Variants in ZRANB3 observed in about 807,000 individuals in gnomAD.
The protein encoded by ZRANB3 is DNA annealing helicase and endonuclease ZRANB3.
In ZRANB3, 125 loss-of-function variants were observed where a neutral mutation model predicts 133.8. That is an observed-to-expected ratio of 0.93 (90% CI 0.81 to 1.08). ZRANB3 has a LOEUF of 1.08. Ranked by LOEUF, ZRANB3 falls within the 50% of genes least tolerant of loss-of-function variation. The pLI is 0.00. For missense variants in ZRANB3, 1,229 were observed against 1,275.5 expected, an observed-to-expected ratio of 0.96 and a Z score of 0.56; for synonymous variants, 387 against 432.7, an observed-to-expected ratio of 0.89 and a Z score of 1.31.
At chr2:135,364,383 T>C in intron 3 of ZRANB3, among the ~76,000 whole-genome samples, 1 of 152,174 alleles carries the variant, frequency 6.6e-6, no homozygotes, top group East Asian at 1.9e-4. Flanking sequence ...GACCTTTAAT[T>C]ACAATTCCAA....
chr2:135,530,207 T>G (rs558857716), intron 1 of ZRANB3, among the ~76,000 whole-genome samples: 9 of 127,022 alleles, frequency 7.1e-5, no homozygotes, highest in African/African-American at 2.2e-4. Context: ...AGACTCCGTC[T>G]CAAAAAAAAA....
rs750292186 is a variant in ZRANB3 at position 135,345,603 on chromosome 2, T to C, written c.624A>G (p.Gln208=). ...LFMQIEALFP[Q]KFGRWTDYAK... ...CATAGTCGGTCCATCTTCCAAATTT[T>C]TGTGGAAAGAGAGCTTCAATCTGCA... Residue 208 remains glutamine (Q), a synonymous_variant, in exon 6 of 21, where the codon CAA becomes CAG. Coordinates refer to ENST00000264159, the MANE Select transcript of ZRANB3 (RefSeq NM_032143.4). The C allele has an allele frequency of 1.9e-6, 3 of 1,612,928 alleles. No individual in the cohort carries two copies. Among genetic ancestry groups the C allele is most frequent in the Middle Eastern group, 1.7e-4 (1 of 6,052 alleles).
chr2:135,291,082 G>C (rs949565605), intron 8 of ZRANB3, among the ~76,000 whole-genome samples: 2 of 152,012 alleles, frequency 1.3e-5, no homozygotes, highest in Non-Finnish European at 2.9e-5. Context: ...GGTTGCTCTT[G>C]AACTCGTGAC....
intron 8 of ZRANB3, among the ~76,000 whole-genome samples, chr2:135,300,012 G>A (rs1023954253): frequency 6.6e-6 from 1 of 152,032 alleles, no homozygotes; most frequent in Non-Finnish European, 1.5e-5. Flanking sequence ...AAGGCTTTAG[G>A]CATAACTCTG....
At chr2:135,208,477 AGTCC>A (rs1368313366) in intron 18 of ZRANB3, among the ~76,000 whole-genome samples, 5 of 152,246 alleles carry the variant, frequency 3.3e-5, no homozygotes, top group African/African-American at 2.4e-5. Flanking sequence ...TTTGTTAGAA[AGTCC>A]TACTTGGGAA....
At chr2:135,455,151 G>C (rs1394337371) in intron 2 of ZRANB3, among the ~76,000 whole-genome samples, 1 of 141,712 alleles carries the variant, frequency 7.1e-6, no homozygotes, top group Non-Finnish European at 1.5e-5. Context: ...CACTGAATGG[G>C]ATCACAATGC....
rs552794116 is a variant in ZRANB3, at chr2:135,510,975, C to T, written c.-7-6479G>A. ...TTGGGGTTCAATGTCACCTTGCTCA[C>T]CAGCCTCACAGATCGGTCTGGGTCC... On this transcript the variant is annotated intron_variant, in intron 1 of 20. Transcript: ENST00000264159. The T allele has an allele frequency of 3.2e-5, 25 of 792,490 alleles. No homozygotes were observed. In the African/African-American group the frequency reaches 4.0e-4, roughly 13 times the overall value. 49.1% of individuals were successfully genotyped at this position (792,490 alleles called of 1,614,324 possible). A position where few individuals can be genotyped will look rare whatever the true frequency, so the allele number is the denominator to read the frequency against.
chr2:135,309,861 C>T (rs556026359), intron 8 of ZRANB3, among the ~76,000 whole-genome samples: 30 of 152,100 alleles, frequency 2.0e-4, no homozygotes, highest in Non-Finnish European at 4.3e-4. Context: ...TACAGAAAAG[C>T]GAAGGACCTA....
intron 10 of ZRANB3, among the ~76,000 whole-genome samples, chr2:135,270,018 A>G (rs1320430849): frequency 1.3e-5 from 2 of 152,176 alleles, no homozygotes; most frequent in East Asian, 3.8e-4. Flanking sequence ...ATTTTCACTT[A>G]AAATATTTTC....
intron 3 of ZRANB3, among the ~76,000 whole-genome samples, chr2:135,356,215 T>C (rs1181858168): frequency 6.6e-6 from 1 of 152,092 alleles, no homozygotes; most frequent in Non-Finnish European, 1.5e-5. Context: ...AAGAGATATA[T>C]TGTCCAACAG....
At chr2:135,488,399 C>A (rs1319718276) in intron 2 of ZRANB3, among the ~76,000 whole-genome samples, 1 of 151,734 alleles carries the variant, frequency 6.6e-6, no homozygotes, top group Non-Finnish European at 1.5e-5. Flanking sequence ...GCAGGAATAC[C>A]ACAAACCTTC....
chr2:135,512,158 G>A (rs1255388467), intron 1 of ZRANB3, among the ~76,000 whole-genome samples: 1 of 152,052 alleles, frequency 6.6e-6, no homozygotes, highest in Non-Finnish European at 1.5e-5. Context: ...GCAAAATCTA[G>A]TAGAACTTAT....
intron 8 of ZRANB3, among the ~76,000 whole-genome samples, chr2:135,292,422 C>G (rs144030862): frequency 1.3e-4 from 19 of 151,976 alleles, no homozygotes; most frequent in Admixed American, 6.6e-5. Flanking sequence ...TCATATCCTT[C>G]GCCCACTTTT....
chr2:135,463,088 G>A (rs1006233827), intron 2 of ZRANB3, among the ~76,000 whole-genome samples: 6 of 152,204 alleles, frequency 3.9e-5, no homozygotes, highest in Non-Finnish European at 1.5e-5. Context: ...AGCTACTTAG[G>A]AGGCTGAAGT....
intron 1 of ZRANB3, among the ~76,000 whole-genome samples, chr2:135,529,896 C>T (rs967195908): frequency 6.6e-6 from 1 of 151,630 alleles, no homozygotes; most frequent in African/African-American, 2.4e-5. Flanking sequence ...ACAGAAAAGC[C>T]CTTTTCTGTG....
chr2:135,241,053 C>T (rs2105082485), intron 12 of ZRANB3, among the ~76,000 whole-genome samples: 1 of 152,072 alleles, frequency 6.6e-6, no homozygotes, highest in South Asian at 2.1e-4. Flanking sequence ...TATTTATATG[C>T]CTTTAAAAAT....
rs192251052 is a variant in ZRANB3 at position 135,513,742 on chromosome 2, G to C, written c.-7-9246C>G. On this transcript the variant is annotated intron_variant, in intron 1 of 20. Coordinates refer to ENST00000264159, the MANE Select transcript of ZRANB3 (RefSeq NM_032143.4). ...GGTATTGCCTAGGTTTTCTTCTAAG[G>C]TTTTTATGGTTTTAGGTCTTATGTT... Among the ~76,000 whole-genome samples the C allele has an allele frequency of 3.9e-5, 6 of 152,240 alleles. No individual in the cohort carries two copies. The East Asian group carries it at 1.2e-3, about 29-fold the overall frequency.
intron 2 of ZRANB3, among the ~76,000 whole-genome samples, chr2:135,458,760 T>C (rs537227013): frequency 6.6e-6 from 1 of 152,252 alleles, no homozygotes; most frequent in East Asian, 1.9e-4. Context: ...ATAGTATCAC[T>C]AATATTCCTA....
At chr2:135,497,331 G>C (rs1196948205) in intron 2 of ZRANB3, among the ~76,000 whole-genome samples, 1 of 152,110 alleles carries the variant, frequency 6.6e-6, no homozygotes, top group East Asian at 1.9e-4. Context: ...CCTGATACCA[G>C]AATATTTATT....
Sources: allele counts gnomAD v4.1 joint callset (sites outside exome capture counted in the v4.1 genomes callset), GRCh38; gene constraint gnomAD v4.1.1; transcripts MANE v1.5; gene names NCBI Gene and HGNC (gene_info 2026-07-23, HGNC 2026-07-21).